The following DIP2A variants were observed in gnomAD, a reference collection of about 807,000 sequenced individuals.
DIP2A encodes the protein DIP2 acetate--CoA ligase A, also known as disco-interacting protein 2 homolog A.
DIP2A carries 85 observed loss-of-function variants against 177.4 expected under a neutral mutation model. The ratio of observed to expected loss-of-function variants is 0.48; its 90% CI spans 0.40 to 0.57. DIP2A has a LOEUF of 0.57. Ranked by LOEUF, DIP2A falls within the 20% of genes least tolerant of loss-of-function variation. DIP2A has a pLI of 0.00. For synonymous variants in DIP2A, 886 were observed against 881.8 expected (o/e 1.00, Z -0.08); for missense variants, 1,791 against 2,100.2 (o/e 0.85, Z 2.88).
At chr21:46,470,481 A>T (rs1287210396) in intron 1 of DIP2A, among the ~76,000 whole-genome samples, 1 of 150,802 alleles carries the variant, frequency 6.6e-6, no homozygotes, top group East Asian at 2.0e-4. Flanking sequence ...TCTCAAAAAA[A>T]AAAAGGGGGG....
In DIP2A at chr21:46,563,475, C is replaced by G. The variant is rs143002021; in HGVS notation, c.4090-383C>G. Among the ~76,000 whole-genome samples the G allele has an allele frequency of 2.1e-4, 32 of 152,306 alleles. No homozygotes were observed. Among genetic ancestry groups the G allele is most frequent in the Non-Finnish European group, 4.1e-4 (28 of 68,020 alleles). On this transcript the variant is annotated intron_variant, in intron 34 of 37. Coordinates refer to ENST00000417564, the MANE Select transcript of DIP2A (RefSeq NM_015151.4). The surrounding 1 kb of genome is among the most constrained non-coding windows in gnomAD (Gnocchi z 4.3). ...GAAGAACTTCCTCATGGTCAGGTTCCTGGCCAAGAACTAGGACAGACATGT... is the reference window on the plus strand; with the variant it reads ...GAAGAACTTCCTCATGGTCAGGTTCGTGGCCAAGAACTAGGACAGACATGT...
intron 13 of DIP2A, among the ~76,000 whole-genome samples, chr21:46,535,168 T>C (rs573943236): frequency 6.6e-6 from 1 of 152,352 alleles, no homozygotes; most frequent in African/African-American, 2.4e-5. Context: ...AATATATAAG[T>C]AGAATCTTTA....
At chr21:46,581,658 T>C in the DIP2A span, among the ~76,000 whole-genome samples, 6 of 152,182 alleles carry the variant, frequency 3.9e-5, no homozygotes, top group African/African-American at 1.4e-4. Flanking sequence ...TTGATGTTGT[T>C]GTTGCTTTCT....
the DIP2A span, among the ~76,000 whole-genome samples, chr21:46,578,988 G>T: frequency 2.0e-5 from 3 of 152,164 alleles, no homozygotes; most frequent in African/African-American, 7.2e-5. Context: ...AGTTAGGGAG[G>T]ATTCCCTCCT....
At chr21:46,474,410 A>T (rs945702472) in intron 1 of DIP2A, among the ~76,000 whole-genome samples, 2 of 152,078 alleles carry the variant, frequency 1.3e-5, no homozygotes, top group African/African-American at 2.4e-5. Context: ...ATGCAAAGAG[A>T]GCCTAGGAAA....
intron 8 of DIP2A, among the ~76,000 whole-genome samples, chr21:46,527,716 A>G (rs929757235): frequency 6.6e-6 from 1 of 152,008 alleles, no homozygotes; most frequent in Non-Finnish European, 1.5e-5. Flanking sequence ...TACACGGGAA[A>G]TTGAGCGCTC....
chr21:46,506,150 C>T (rs1272306807), intron 6 of DIP2A, among the ~76,000 whole-genome samples: 1 of 152,098 alleles, frequency 6.6e-6, no homozygotes, highest in Non-Finnish European at 1.5e-5. Flanking sequence ...CTGAGTCTCA[C>T]TCTGTTGCCC....
intron 21 of DIP2A, 129 bp from the exon 22 acceptor site, chr21:46,549,642 G>A (rs1203479522): frequency 1.3e-6 from 2 of 1,491,556 alleles, no homozygotes; most frequent in Non-Finnish European, 1.8e-6. Flanking sequence ...ATGTGCAGCA[G>A]GTAGCCCCAT....
At chr21:46,553,249 G>A (rs2060337488) in intron 25 of DIP2A, 1 of 152,244 alleles carries the variant, frequency 6.6e-6, no homozygotes. Flanking sequence ...CAGCACATAA[G>A]TGCGTCCACT....
At chr21:46,477,541 A>AG (rs2055961508) in intron 1 of DIP2A, among the ~76,000 whole-genome samples, 1 of 99,290 alleles carries the variant, frequency 1.0e-5, no homozygotes, top group Non-Finnish European at 2.1e-5. Flanking sequence ...AAAAAAAAAG[A>AG]TTTGTGTGTG....
chr21:46,559,573 C>T (rs1024852172), intron 32 of DIP2A, among the ~76,000 whole-genome samples: 31 of 152,350 alleles, frequency 2.0e-4, no homozygotes, highest in African/African-American at 7.2e-4. Flanking sequence ...TAGGCTGTGG[C>T]TGAGCGTGGG....
downstream of DIP2A, among the ~76,000 whole-genome samples, chr21:46,572,674 C>T (rs867894365): frequency 1.3e-5 from 2 of 152,166 alleles, no homozygotes; most frequent in Non-Finnish European, 2.9e-5. Context: ...AAGACCCTGA[C>T]CTGATGTGGC....
intron 8 of DIP2A, among the ~76,000 whole-genome samples, chr21:46,528,197 C>T (rs1051183259): frequency 2.5e-4 from 38 of 152,058 alleles, no homozygotes; most frequent in African/African-American, 8.2e-4. Flanking sequence ...AGGGGAACTT[C>T]TCTTTGGGGA....
chr21:46,523,393 ATTT>A (rs61370008), intron 8 of DIP2A, among the ~76,000 whole-genome samples: 9,401 of 89,718 alleles, frequency 0.1, 141 homozygotes, highest in Middle Eastern at 0.15. Context: ...CGCCTGGCTA[ATTT>A]TTTTTTTTTT....
In DIP2A at chr21:46,538,609, G is replaced by A. The variant is rs2059671122; in HGVS notation, c.1921+7G>A. The A allele has an allele frequency of 1.9e-6, 3 of 1,548,576 alleles. No homozygotes were observed. The highest frequency in any genetic ancestry group is 2.6e-6 in the Non-Finnish European group (3 of 1,147,914). The stretch of plus-strand genomic sequence containing the variant: ...GCCGATGGTGCCAACCCGTGTGAGT[G>A]AGCCTGTGTGCCCGGCGCATACCCC... On this transcript the variant is annotated splice_region_variant and intron_variant, in intron 16 of 37. Transcript: ENST00000417564.
the DIP2A span, among the ~76,000 whole-genome samples, chr21:46,580,123 C>G: frequency 6.6e-6 from 1 of 152,154 alleles, no homozygotes; most frequent in East Asian, 1.9e-4. Flanking sequence ...TTTTATAAAT[C>G]TGGGTGCTCC....
At chr21:46,483,214 A>G (rs1423999779) in intron 1 of DIP2A, among the ~76,000 whole-genome samples, 2 of 152,254 alleles carry the variant, frequency 1.3e-5, no homozygotes, top group Non-Finnish European at 2.9e-5. Context: ...CGGGTCAATT[A>G]AAAGTACACA....
At chr21:46,459,285 C>G (rs2054059388) in intron 1 of DIP2A, 63 bp downstream of exon 1, 1 of 1,401,920 alleles carries the variant, frequency 7.1e-7, no homozygotes, top group Non-Finnish European at 9.5e-7. Flanking sequence ...CGCGCAGCCC[C>G]TCACTCCGGG....
At chr21:46,579,654 CTTTG>C in the DIP2A span, among the ~76,000 whole-genome samples, 1 of 152,144 alleles carries the variant, frequency 6.6e-6, no homozygotes, top group Non-Finnish European at 1.5e-5. Flanking sequence ...TATATTGTCT[CTTTG>C]TTCTCATTAG....
Sources: allele counts gnomAD v4.1 joint callset (sites outside exome capture counted in the v4.1 genomes callset), GRCh38; gene constraint gnomAD v4.1.1; non-coding constraint Gnocchi (gnomAD v3.1); transcripts MANE v1.5; gene names NCBI Gene and HGNC (gene_info 2026-07-23, HGNC 2026-07-21).